APMAP: variants seen among roughly 807,000 people sequenced by gnomAD.
APMAP encodes the protein adipocyte plasma membrane-associated protein.
A neutral mutation model predicts 43.6 loss-of-function variants in APMAP; 33 were observed. The ratio of observed to expected loss-of-function variants is 0.76; its 90% CI spans 0.57 to 1.01. APMAP has a LOEUF of 1.01. APMAP is among the 50% of genes least tolerant of loss of function. The pLI, the probability that APMAP is intolerant of heterozygous loss-of-function variation, is 0.00. For synonymous variants in APMAP, 224 were observed against 216.7 expected (o/e 1.03, Z -0.30); for missense variants, 498 against 540.7 (o/e 0.92, Z 0.78).
intron 4 of APMAP, 32 bp from the exon 5 acceptor site, chr20:24,971,608 T>A (rs1600282462): frequency 6.4e-7 from 1 of 1,557,312 alleles, no homozygotes; most frequent in East Asian, 2.2e-5. Context: ...GATTGGTAGC[T>A]GGTCCCGGAT....
At chr20:24,985,981 C>T (rs962340775) in intron 1 of APMAP, among the ~76,000 whole-genome samples, 7 of 152,150 alleles carry the variant, frequency 4.6e-5, no homozygotes, top group Non-Finnish European at 5.9e-5. Flanking sequence ...TTGGCTGAAT[C>T]GCGTCCTGCA....
chr20:24,985,984 G>A (rs1427034619), intron 1 of APMAP, among the ~76,000 whole-genome samples: 2 of 152,288 alleles, frequency 1.3e-5, no homozygotes, highest in Admixed American at 6.5e-5. Flanking sequence ...GCTGAATCGC[G>A]TCCTGCAGTT....
intron 2 of APMAP, among the ~76,000 whole-genome samples, chr20:24,982,034 G>A (rs1288133337): frequency 6.6e-6 from 1 of 152,168 alleles, no homozygotes; most frequent in Non-Finnish European, 1.5e-5. Flanking sequence ...TGCATTTTGG[G>A]GCCTATCTTC....
chr20:24,979,639 G>A (rs1036686540), intron 2 of APMAP, among the ~76,000 whole-genome samples: 135 of 152,080 alleles, frequency 8.9e-4, no homozygotes, highest in African/African-American at 3.0e-3. Flanking sequence ...CTCTCGCCTC[G>A]CCCCTGCTCC....
In APMAP at chr20:24,977,779, CA is replaced by C. The variant is rs200381875; in HGVS notation, c.328+987del. 8.7e-3 allele frequency among the ~76,000 whole-genome samples: 1,328 copies of C among 151,988 alleles called. 13 individuals are homozygous for C. The highest frequency in any genetic ancestry group is 0.03 in the African/African-American group (1,245 of 41,464). On this transcript the variant is annotated intron_variant, in intron 3 of 8. Transcript: ENST00000217456. ...TAAAGAGCAAGATTTGATTTTTCAC[CA>C]AAAAAAGCTAAAGCTTTTAAAATTT...
At chr20:24,967,211 C>G (rs987497780) in intron 8 of APMAP, among the ~76,000 whole-genome samples, 1 of 152,204 alleles carries the variant, frequency 6.6e-6, no homozygotes, top group African/African-American at 2.4e-5. Flanking sequence ...AGGAGAATCA[C>G]TTGAGCCCAG....
At chr20:24,985,027 T>C (rs2088135845) in intron 1 of APMAP, among the ~76,000 whole-genome samples, 2 of 152,188 alleles carry the variant, frequency 1.3e-5, no homozygotes, top group African/African-American at 4.8e-5. Flanking sequence ...GGGGCAGGGT[T>C]TGATTTTTGA....
intron 1 of APMAP, among the ~76,000 whole-genome samples, chr20:24,986,960 T>C (rs1209538258): frequency 1.3e-5 from 2 of 152,218 alleles, no homozygotes; most frequent in Non-Finnish European, 2.9e-5. Context: ...TCTAGGCATT[T>C]CATATAAGTG....
At chr20:24,966,557 C>A (rs1313202925) in intron 8 of APMAP, among the ~76,000 whole-genome samples, 1 of 152,110 alleles carries the variant, frequency 6.6e-6, no homozygotes. Context: ...GCCAACGATG[C>A]GAGAGCAGAA....
intron 6 of APMAP, 69 bp downstream of exon 6, chr20:24,970,128 C>T (rs2087985659): frequency 6.4e-7 from 1 of 1,563,790 alleles, no homozygotes; most frequent in South Asian, 1.1e-5. Context: ...CTAGAAGTAA[C>T]AGGCTCTGCT....
chr20:24,982,566 C>T (rs1202655912), intron 2 of APMAP, among the ~76,000 whole-genome samples: 1 of 152,232 alleles, frequency 6.6e-6, no homozygotes, highest in African/African-American at 2.4e-5. Flanking sequence ...CACATAAAAT[C>T]ATCTTTCCTG....
chr20:24,977,580 C>T (rs1287403181), intron 3 of APMAP, among the ~76,000 whole-genome samples: 2 of 152,088 alleles, frequency 1.3e-5, no homozygotes, highest in Non-Finnish European at 2.9e-5. Context: ...AGAGAGGACC[C>T]CACTGTGCCT....
chr20:24,991,053 T>C (rs1266934359), intron 1 of APMAP, among the ~76,000 whole-genome samples: 5 of 152,090 alleles, frequency 3.3e-5, no homozygotes, highest in African/African-American at 1.2e-4. Context: ...ACAGAGAACC[T>C]GAAAAAAACA....
chr20:24,977,270 C>A lies in APMAP; in HGVS notation c.328+1497G>T, dbSNP rs111728112. 6.1e-3 allele frequency among the ~76,000 whole-genome samples: 931 copies of A among 152,346 alleles called. 15 individuals carry two copies. Among genetic ancestry groups the A allele is most frequent in the African/African-American group, 0.022 (907 of 41,572 alleles). On this transcript the variant is annotated intron_variant, in intron 3 of 8. Coordinates refer to ENST00000217456, the MANE Select transcript of APMAP (RefSeq NM_020531.3). ...TGATCATGTGGGAGGCTGTGCATGG[C>A]ATGTGTGCAGAAAAAGTATTTGACG...
At chr20:24,964,088 G>A (rs1011007676) in intron 8 of APMAP, 66 bp from the exon 9 acceptor site, 26 of 1,517,394 alleles carry the variant, frequency 1.7e-5, no homozygotes, top group Middle Eastern at 1.7e-4. Flanking sequence ...CAGATCAACC[G>A]TGCCGCCCCC....
chr20:24,973,571 G>A, intron 4 of APMAP, 74 bp downstream of exon 4: 1 of 1,413,326 alleles, frequency 7.1e-7, no homozygotes, highest in East Asian at 2.3e-5. Flanking sequence ...CTAGGGAAAA[G>A]CAGTTCCACA....
At chr20:24,965,135 A>T (rs2087931987) in intron 8 of APMAP, among the ~76,000 whole-genome samples, 1 of 152,204 alleles carries the variant, frequency 6.6e-6, no homozygotes, top group African/African-American at 2.4e-5. Context: ...GGCCTTTCTA[A>T]TAGCACTTCA....
chr20:24,964,599 C>T (rs568550878), intron 8 of APMAP, among the ~76,000 whole-genome samples: 2 of 152,048 alleles, frequency 1.3e-5, no homozygotes, highest in Non-Finnish European at 2.9e-5. Flanking sequence ...CCTACAGGGA[C>T]GGAGGCAAAA....
chr20:24,966,711 C>G (rs755792223), intron 8 of APMAP, among the ~76,000 whole-genome samples: 1 of 152,198 alleles, frequency 6.6e-6, no homozygotes, highest in Non-Finnish European at 1.5e-5. Flanking sequence ...CAGCTGACAA[C>G]TAAACACCAC....
Sources: allele counts gnomAD v4.1 joint callset (sites outside exome capture counted in the v4.1 genomes callset), GRCh38; gene constraint gnomAD v4.1.1; transcripts MANE v1.5; gene names NCBI Gene and HGNC (gene_info 2026-07-23, HGNC 2026-07-21).